ACTR1A: variants seen among roughly 807,000 people sequenced by gnomAD.
ACTR1A encodes the protein alpha-centractin.
In ACTR1A, 10 loss-of-function variants were observed where a neutral mutation model predicts 50.7. That is an observed-to-expected ratio of 0.20 (90% confidence interval 0.12 to 0.33). The LOEUF is 0.33. ACTR1A is among the 10% of genes least tolerant of loss of function. The probability of loss-of-function intolerance (pLI) is 1.00; values close to 1 mark genes in which losing one functional copy is unlikely to be tolerated. For synonymous variants in ACTR1A, 177 were observed against 184.2 expected, an observed-to-expected ratio of 0.96 and a Z score of 0.32; for missense variants, 253 against 491.7, an observed-to-expected ratio of 0.51 and a Z score of 4.59.
chr10:102,483,457 C>A, intron 6 of ACTR1A: 1 of 202,354 alleles, frequency 4.9e-6, no homozygotes, highest in Admixed American at 5.7e-5. Flanking sequence ...TTCCCTATAG[C>A]CACAGGTGGC....
At chr10:102,494,822 A>AT (rs1393921903) in intron 1 of ACTR1A, among the ~76,000 whole-genome samples, 1 of 152,036 alleles carries the variant, frequency 6.6e-6, no homozygotes, top group Non-Finnish European at 1.5e-5. Flanking sequence ...TTTAATTTTA[A>AT]TTTTTTTGAG....
At chr10:102,492,265 T>G (rs561163355) in intron 1 of ACTR1A, among the ~76,000 whole-genome samples, 196 of 151,402 alleles carry the variant, frequency 1.3e-3, no homozygotes, top group African/African-American at 4.5e-3. Context: ...GAGATGAGGG[T>G]TCACCGTGTT....
At position 102,488,177 on chromosome 10, in the gene ACTR1A, C is replaced by T. The variant is rs1405473993; in HGVS notation, c.288G>A (p.Lys96=). The T allele has an allele frequency of 6.2e-7, 1 of 1,613,806 alleles. No homozygotes were observed. The highest frequency in any genetic ancestry group is 1.7e-5 in the Admixed American group (1 of 60,004). ...MERIWQYVYS[K]DQLQTFSEEH... is the part of the protein sequence containing the mutation. ...CCTCTGAGAAAGTCTGCAGCTGGTC[C>T]TTAGAATAGACATATTGCCAAATGC... Residue 96 remains lysine, a synonymous_variant, in exon 4 of 11, where the codon AAG becomes AAA. Transcript: ENST00000369905. The surrounding 1 kb of genome is among the most constrained non-coding windows in gnomAD (Gnocchi z 4.4).
chr10:102,482,153 G>T lies in ACTR1A; in HGVS notation c.773C>A (p.Ala258Asp). 6.2e-7 allele frequency: 1 copy of T among 1,613,432 alleles called. No homozygotes were observed. The highest frequency in any genetic ancestry group is 8.5e-7 in the Non-Finnish European group (1 of 1,180,032). The change falls in exon 8 of 11, where the codon GCC becomes GAC. Residue 258 changes from alanine (A) to aspartate (D), a missense_variant. Coordinates refer to ENST00000369905, the MANE Select transcript of ACTR1A (RefSeq NM_005736.4). The surrounding 1 kb of genome is among the most constrained non-coding windows in gnomAD (Gnocchi z 5.6). Reference sequence around the variant, plus strand: ...ATCTGGCCTGAAGAGCAACTCAGGGGCCCGGAATCGGGAAGGACCAATCTG... The same window carrying T: ...ATCTGGCCTGAAGAGCAACTCAGGGTCCCGGAATCGGGAAGGACCAATCTG... ...TIEIGPSRFRAPELLFRPDLI... is the reference protein window; with the variant it reads ...TIEIGPSRFRDPELLFRPDLI...
At chr10:102,487,168 C>T (rs2062173115) in intron 4 of ACTR1A, among the ~76,000 whole-genome samples, 1 of 152,118 alleles carries the variant, frequency 6.6e-6, no homozygotes, top group South Asian at 2.1e-4. Flanking sequence ...GTAATCCCAG[C>T]ACTTTGAGAG....
intron 4 of ACTR1A, among the ~76,000 whole-genome samples, chr10:102,486,309 C>T (rs1338138459): frequency 6.6e-6 from 1 of 152,104 alleles, no homozygotes; most frequent in East Asian, 1.9e-4. Context: ...ATCTGGCCAC[C>T]CCAAACCCCC....
rs968687001 is a variant in ACTR1A at position 102,497,171 on chromosome 10, G to GAA, written c.48+5427_48+5428dup. On this transcript the variant is annotated intron_variant, in intron 1 of 10. Coordinates refer to ENST00000369905, the MANE Select transcript of ACTR1A (RefSeq NM_005736.4). ...GGCCACACAGCAGACTCCATCTCAG[G>GAA]AAAAAAAAAAAAAAAAAAAAAAGAA... Among the ~76,000 whole-genome samples, 604 of 69,648 alleles carry GAA rather than the reference G, an allele frequency of 8.7e-3. 18 individuals are homozygous for GAA. In the East Asian group the frequency reaches 0.098, roughly 11 times the overall value. The allele number at this position is 69,648 out of a possible 152,430, so 45.7% of individuals were successfully genotyped here. A position where few individuals can be genotyped will look rare whatever the true frequency, so the allele number is the denominator to read the frequency against.
At chr10:102,489,736 C>G (rs1356054471) in intron 2 of ACTR1A, among the ~76,000 whole-genome samples, 4 of 152,300 alleles carry the variant, frequency 2.6e-5, no homozygotes, top group African/African-American at 9.6e-5. Context: ...ATCGCTTGAA[C>G]CTGCAAGGCA....
chr10:102,489,974 G>A (rs940185217), intron 2 of ACTR1A, among the ~76,000 whole-genome samples: 6 of 150,878 alleles, frequency 4.0e-5, no homozygotes, highest in Non-Finnish European at 8.9e-5. Context: ...ATGGTAGAAG[G>A]GCTGTAATCC....
At chr10:102,486,460 C>T (rs1376095332) in intron 4 of ACTR1A, among the ~76,000 whole-genome samples, 2 of 152,092 alleles carry the variant, frequency 1.3e-5, no homozygotes, top group Admixed American at 6.6e-5. Flanking sequence ...GAGGCTGAGG[C>T]GTGCGGATCA....
Position 102,502,668 on chromosome 10 carries a change from T to C in ACTR1A, c.-21A>G, listed in dbSNP as rs750813261. ...TCCATGGCAGAGGAATCTCTCCTTC[T>C]GGGGAAGGAACTGCCCAGCCGGGTC... On this transcript the variant is annotated 5_prime_UTR_variant, in exon 1 of 11. Coordinates refer to ENST00000369905, the MANE Select transcript of ACTR1A (RefSeq NM_005736.4). 6.2e-7 allele frequency: 1 copy of C among 1,613,866 alleles called. No individual in the cohort carries two copies.
rs879449390 is a variant in ACTR1A at position 102,488,615 on chromosome 10, T to C, written c.190-340A>G. On this transcript the variant is annotated intron_variant, in intron 3 of 10. Coordinates refer to ENST00000369905, the MANE Select transcript of ACTR1A (RefSeq NM_005736.4). The surrounding 1 kb of genome is among the most constrained non-coding windows in gnomAD (Gnocchi z 4.4). The stretch of plus-strand genomic sequence containing the variant: ...GCTCCCACCTCTGGGCCTCAGCACT[T>C]GAAGCCAAGGATGGCAACAGCGATT... 1.3e-5 allele frequency among the ~76,000 whole-genome samples: 2 copies of C among 152,204 alleles called. No individual in the cohort carries two copies. The highest frequency in any genetic ancestry group is 1.3e-4 in the Admixed American group (2 of 15,272).
intron 1 of ACTR1A, among the ~76,000 whole-genome samples, chr10:102,501,015 G>A (rs1589966858): frequency 6.6e-6 from 1 of 151,492 alleles, no homozygotes; most frequent in African/African-American, 2.4e-5. Flanking sequence ...AGGCTGCAGT[G>A]AGCTGTGATC....
In ACTR1A at chr10:102,484,313, C is replaced by A. The variant is rs2062156885; in HGVS notation, c.504G>T (p.Val168=). 1 of 1,614,060 alleles carries A rather than the reference C, an allele frequency of 6.2e-7. No homozygotes were observed. The highest frequency in any genetic ancestry group is 8.5e-7 in the Non-Finnish European group (1 of 1,180,032). ...LDSGDGVTHA[V]PIYEGFAMPH... ...GCATGGCAAAGCCCTCATAGATGGG[C>A]ACAGCATGGGTGACTCCATCCCCAG... is the stretch of plus-strand genomic sequence containing the variant. The change falls in exon 6 of 11, where the codon GTG becomes GTT. Residue 168 remains valine, a synonymous_variant. Transcript: ENST00000369905.
chr10:102,488,101 A>G lies in ACTR1A; in HGVS notation c.315+49T>C. Reference sequence around the variant, plus strand: ...TCATCATCTCTAGGGTAGGAGTTTGACACAGCTTTGCATACCCTACAGGAG... The same window carrying G: ...TCATCATCTCTAGGGTAGGAGTTTGGCACAGCTTTGCATACCCTACAGGAG... On this transcript the variant is annotated intron_variant, in intron 4 of 10. Transcript: ENST00000369905. This position sits in a 1 kb window ranked among gnomAD's most constrained non-coding sequence, Gnocchi z 4.4. 1.3e-6 allele frequency: 2 copies of G among 1,576,726 alleles called. No homozygotes were observed. The highest frequency in any genetic ancestry group is 1.1e-5 in the South Asian group (1 of 89,440).
rs527261882 is a variant in ACTR1A at position 102,502,453 on chromosome 10, A to C, written c.48+147T>G. ...CGCCTTGCCTGCGGACTATGTGATA[A>C]GGGGAGGAAGGAGGCGGCGGTGGCT... On this transcript the variant is annotated intron_variant, in intron 1 of 10. Coordinates refer to ENST00000369905, the MANE Select transcript of ACTR1A (RefSeq NM_005736.4). 10 of 793,708 alleles carry C rather than the reference A, an allele frequency of 1.3e-5. No homozygotes were observed. The East Asian group carries it at 2.1e-4, about 16-fold the overall frequency. 49.2% of individuals were successfully genotyped at this position (793,708 alleles called of 1,614,324 possible).
At chr10:102,496,811 C>CT (rs1346628117) in intron 1 of ACTR1A, among the ~76,000 whole-genome samples, 1 of 152,142 alleles carries the variant, frequency 6.6e-6, no homozygotes. Context: ...TGAACATTGA[C>CT]TAGATAACTG....
At chr10:102,481,925 A>T (rs748293022) in intron 8 of ACTR1A, 27 bp from the exon 9 acceptor site, 2 of 1,613,328 alleles carry the variant, frequency 1.2e-6, no homozygotes, top group African/African-American at 2.7e-5. Flanking sequence ...GAGAACTTCA[A>T]GTCAATTCTC....
At chr10:102,496,212 A>G (rs950227588) in intron 1 of ACTR1A, among the ~76,000 whole-genome samples, 2 of 152,196 alleles carry the variant, frequency 1.3e-5, no homozygotes, top group Admixed American at 6.5e-5. Flanking sequence ...AAATCAGAAT[A>G]TCTGGCAACA....
Sources: gnomAD v4.1 joint callset for allele counts (sites outside exome capture counted in the v4.1 genomes callset) on GRCh38, gnomAD v4.1.1 for gene constraint, Gnocchi (gnomAD v3.1) non-coding constraint, MANE v1.5 for transcripts, NCBI Gene and HGNC (gene_info 2026-07-23, HGNC 2026-07-21) for gene names.